EHMT1: variants seen among roughly 807,000 people sequenced by gnomAD.
EHMT1 encodes the protein histone-lysine N-methyltransferase EHMT1.
A neutral mutation model predicts 147.2 loss-of-function variants in EHMT1; 15 were observed. That is an observed-to-expected ratio of 0.10 (90% confidence interval 0.07 to 0.16). EHMT1 has a LOEUF of 0.16. Ranked by LOEUF, EHMT1 falls within the 10% of genes least tolerant of loss-of-function variation. EHMT1 has a pLI of 1.00. For missense variants in EHMT1, 1,587 were observed against 1,772.4 expected (o/e 0.90, Z 1.88); for synonymous variants, 795 against 709.6 (o/e 1.12, Z -1.91).
intron 4 of EHMT1, chr9:137,738,823 A>C (rs3125788): frequency 0.18 from 28,101 of 152,084 alleles, 4,430 homozygotes; most frequent in African/African-American, 0.43. Context: ...ATTCCACTTA[A>C]AGGAGGTCCC....
At chr9:137,822,823 GT>G (rs1955524633) in intron 25 of EHMT1, among the ~76,000 whole-genome samples, 1 of 151,724 alleles carries the variant, frequency 6.6e-6, no homozygotes, top group Admixed American at 6.6e-5. Flanking sequence ...AACTTGGGAG[GT>G]GGAGGTTGCA....
chr9:137,778,806 G>A (rs969765922), intron 13 of EHMT1, among the ~76,000 whole-genome samples: 7 of 152,218 alleles, frequency 4.6e-5, no homozygotes, highest in African/African-American at 1.7e-4. Flanking sequence ...ATAGAAAAGA[G>A]GCTTAATTGG....
Position 137,781,212 on chromosome 9 carries a change from G to A in EHMT1, c.2276-1079G>A, listed in dbSNP as rs780554764. Among the ~76,000 whole-genome samples, 418 of 96,058 alleles carry A rather than the reference G, an allele frequency of 4.4e-3. 138 individuals carry two copies. The highest frequency in any genetic ancestry group is 0.03 in the African/African-American group (357 of 11,922). 63.0% of individuals were successfully genotyped at this position (96,058 alleles called of 152,430 possible). A position where few individuals can be genotyped will look rare whatever the true frequency, so the allele number is the denominator to read the frequency against. ...TGTGGTGACGACGCTGAGACGTGTG[G>A]TGACGACGCTGGGACGTGTGGTGAC... On this transcript the variant is annotated intron_variant, in intron 14 of 26. Transcript: ENST00000460843.
chr9:137,713,037 C>A (rs1391303860), intron 2 of EHMT1, among the ~76,000 whole-genome samples: 1 of 152,000 alleles, frequency 6.6e-6, no homozygotes, highest in Non-Finnish European at 1.5e-5. Flanking sequence ...AAAGACCTTT[C>A]TTCCCTCATT....
At chr9:137,810,413 A>T (rs1954371463) in intron 18 of EHMT1, among the ~76,000 whole-genome samples, 1 of 152,252 alleles carries the variant, frequency 6.6e-6, no homozygotes, top group Admixed American at 6.5e-5. Flanking sequence ...CGTGTTCCTC[A>T]TTCCGTTTAT....
chr9:137,644,316 A>G (rs911296782), intron 1 of EHMT1, among the ~76,000 whole-genome samples: 1 of 151,124 alleles, frequency 6.6e-6, no homozygotes, highest in Non-Finnish European at 1.5e-5. Flanking sequence ...TCACTCTTGA[A>G]ACAGTCACAT....
chr9:137,719,026 T>G (rs183393795), intron 3 of EHMT1, among the ~76,000 whole-genome samples: 1 of 152,264 alleles, frequency 6.6e-6, no homozygotes, highest in African/African-American at 2.4e-5. Context: ...GTGCTGGGAT[T>G]ACAGGTGTGA....
intron 6 of EHMT1, among the ~76,000 whole-genome samples, chr9:137,752,070 G>A (rs921497650): frequency 4.6e-5 from 7 of 152,242 alleles, no homozygotes; most frequent in Non-Finnish European, 2.9e-5. Flanking sequence ...GCCACTCTCT[G>A]GTCCCGATGT....
At chr9:137,698,652 G>T (rs1357468830) in intron 1 of EHMT1, among the ~76,000 whole-genome samples, 1 of 152,098 alleles carries the variant, frequency 6.6e-6, no homozygotes, top group African/African-American at 2.4e-5. Flanking sequence ...TCAGGGTCAG[G>T]CAGGGCCTAG....
intron 1 of EHMT1, among the ~76,000 whole-genome samples, chr9:137,691,415 T>A (rs1479916559): frequency 6.6e-6 from 1 of 151,718 alleles, no homozygotes; most frequent in African/African-American, 2.4e-5. Context: ...TGAGCTCAAG[T>A]GATCTGCCCG....
chr9:137,739,231 G>A (rs1391951205), intron 4 of EHMT1, among the ~76,000 whole-genome samples: 50 of 151,884 alleles, frequency 3.3e-4, no homozygotes, highest in South Asian at 6.2e-4. Flanking sequence ...TTAGCCGGGC[G>A]TGGTGGCCCA....
chr9:137,834,731 G>T, intron 26 of EHMT1, 42 bp from the exon 27 acceptor site: 1 of 1,612,962 alleles, frequency 6.2e-7, no homozygotes, highest in South Asian at 1.1e-5. Flanking sequence ...GGGAGGTGCC[G>T]GTGGGATTCG....
intron 16 of EHMT1, among the ~76,000 whole-genome samples, chr9:137,793,801 T>C (rs6559228): frequency 0.33 from 50,293 of 152,100 alleles, 8,608 homozygotes; most frequent in Admixed American, 0.43. Flanking sequence ...GGACAAATCC[T>C]GTACGATGTG....
chr9:137,755,150 G>C (rs905269902), intron 8 of EHMT1, among the ~76,000 whole-genome samples: 2 of 152,098 alleles, frequency 1.3e-5, no homozygotes, highest in African/African-American at 4.8e-5. Context: ...ACATGCTTAT[G>C]ACCTTGAATC....
At chr9:137,649,329 G>C (rs1042392988) in intron 1 of EHMT1, among the ~76,000 whole-genome samples, 3 of 152,046 alleles carry the variant, frequency 2.0e-5, no homozygotes, top group Non-Finnish European at 4.4e-5. Context: ...ATGTGGTGAC[G>C]GGTGCCTGTA....
intron 1 of EHMT1, among the ~76,000 whole-genome samples, chr9:137,630,632 T>C (rs1319951614): frequency 3.3e-5 from 5 of 152,222 alleles, no homozygotes; most frequent in African/African-American, 1.2e-4. Context: ...TATTTAAAAT[T>C]GGTGGTAATC....
In EHMT1 at chr9:137,753,157, G is replaced by C. The variant is rs138501910; in HGVS notation, c.1248+749G>C. ...CTGAGGAGGAGCTGTCTGTGCCGTG[G>C]GGGGAAAGCTCGGCAAGTTTGGGTC... is the stretch of plus-strand genomic sequence containing the variant. On this transcript the variant is annotated intron_variant, in intron 7 of 26. Transcript: ENST00000460843. Among the ~76,000 whole-genome samples the C allele has an allele frequency of 1.1e-4, 16 of 152,240 alleles. No individual in the cohort carries two copies. The South Asian group carries it at 1.5e-3, about 14-fold the overall frequency.
At chr9:137,801,279 C>T (rs1184394008) in intron 18 of EHMT1, among the ~76,000 whole-genome samples, 12 of 152,184 alleles carry the variant, frequency 7.9e-5, no homozygotes, top group Admixed American at 4.6e-4. Context: ...AGGCTACTGA[C>T]CCTGGTGCGG....
intron 22 of EHMT1, 60 bp downstream of exon 22, chr9:137,814,568 A>G: frequency 6.4e-7 from 1 of 1,567,376 alleles, no homozygotes; most frequent in South Asian, 1.1e-5. Context: ...CGGGTCTGCA[A>G]AAACAGTGCA....
Sources: allele counts gnomAD v4.1 joint callset (sites outside exome capture counted in the v4.1 genomes callset), GRCh38; gene constraint gnomAD v4.1.1; transcripts MANE v1.5; gene names NCBI Gene and HGNC (gene_info 2026-07-23, HGNC 2026-07-21).